FNIP1: variants seen among roughly 807,000 people sequenced by gnomAD.
FNIP1 encodes the protein folliculin interacting protein 1.
Under a neutral mutation model 124.5 loss-of-function variants are expected in FNIP1, and 40 were observed. The ratio of observed to expected loss-of-function variants is 0.32; its 90% CI spans 0.25 to 0.42. The LOEUF is 0.42. FNIP1 is among the 10% of genes least tolerant of loss of function. The pLI is 1.00. For synonymous variants in FNIP1, 472 were observed against 470.6 expected, an observed-to-expected ratio of 1.00 and a Z score of -0.04; for missense variants, 1,176 against 1,403.7, an observed-to-expected ratio of 0.84 and a Z score of 2.59.
chr5:131,693,903 A>AT (rs2149527046), intron 11 of FNIP1, among the ~76,000 whole-genome samples: 1 of 152,314 alleles, frequency 6.6e-6, no homozygotes, highest in Admixed American at 6.5e-5. Flanking sequence ...GCCAACTTAA[A>AT]AAGGACAAAA....
chr5:131,740,060 G>C (rs903158438), intron 2 of FNIP1, among the ~76,000 whole-genome samples: 5 of 152,072 alleles, frequency 3.3e-5, no homozygotes, highest in African/African-American at 1.2e-4. Context: ...AAGCACTTTG[G>C]ACAACTTTAT....
At chr5:131,686,053 A>G (rs1561654308) in intron 11 of FNIP1, among the ~76,000 whole-genome samples, 1 of 152,204 alleles carries the variant, frequency 6.6e-6, no homozygotes, top group South Asian at 2.1e-4. Flanking sequence ...GTCATAAACC[A>G]TTAGGGATAA....
At chr5:131,713,846 G>A (rs188199862) in intron 6 of FNIP1, among the ~76,000 whole-genome samples, 114 of 152,254 alleles carry the variant, frequency 7.5e-4, no homozygotes, top group South Asian at 6.2e-3. Context: ...ATTTACTGTA[G>A]GTAACATTAT....
intron 1 of FNIP1, among the ~76,000 whole-genome samples, chr5:131,745,203 A>T (rs941967349): frequency 2.6e-5 from 4 of 151,946 alleles, no homozygotes; most frequent in Non-Finnish European, 5.9e-5. Flanking sequence ...GAAAATTCTC[A>T]TATGCTGCTG....
chr5:131,701,889 C>T (rs1200168312), intron 10 of FNIP1, among the ~76,000 whole-genome samples: 1 of 152,186 alleles, frequency 6.6e-6, no homozygotes, highest in Non-Finnish European at 1.5e-5. Flanking sequence ...TCATCAGGTA[C>T]TCATTAACTT....
chr5:131,765,917 T>A (rs1173345349), intron 1 of FNIP1, among the ~76,000 whole-genome samples: 1 of 152,224 alleles, frequency 6.6e-6, no homozygotes, highest in Admixed American at 6.5e-5. Context: ...TAATCTTACA[T>A]CTTCTTTGCC....
At chr5:131,707,521 T>C (rs1769154406) in intron 8 of FNIP1, among the ~76,000 whole-genome samples, 4 of 152,196 alleles carry the variant, frequency 2.6e-5, no homozygotes, top group Admixed American at 2.0e-4. Context: ...AATTCAATGA[T>C]AGAGGATAAA....
intron 2 of FNIP1, among the ~76,000 whole-genome samples, chr5:131,741,521 G>A (rs183573243): frequency 7.1e-4 from 108 of 152,158 alleles, no homozygotes; most frequent in Middle Eastern, 3.4e-3. Flanking sequence ...TGTTTGCTTT[G>A]CATGGAAATA....
chr5:131,702,816 A>G (rs1489087915), intron 10 of FNIP1, among the ~76,000 whole-genome samples: 2 of 152,196 alleles, frequency 1.3e-5, no homozygotes, highest in Non-Finnish European at 2.9e-5. Flanking sequence ...GCTTTCCCCA[A>G]AAGAATACAC....
chr5:131,650,684 T>C (rs1676616882), intron 16 of FNIP1, among the ~76,000 whole-genome samples: 1 of 152,208 alleles, frequency 6.6e-6, no homozygotes, highest in South Asian at 2.1e-4. Flanking sequence ...TGGGTCTTAT[T>C]GTCTTTTTCC....
chr5:131,766,243 T>C (rs1771420402), intron 1 of FNIP1, among the ~76,000 whole-genome samples: 1 of 152,068 alleles, frequency 6.6e-6, no homozygotes, highest in African/African-American at 2.4e-5. Flanking sequence ...GGTCTTGCTA[T>C]GTGGCCCAGG....
chr5:131,751,696 G>T (rs985954758), intron 1 of FNIP1, among the ~76,000 whole-genome samples: 1 of 152,022 alleles, frequency 6.6e-6, no homozygotes, highest in African/African-American at 2.4e-5. Flanking sequence ...GCCATAAAAA[G>T]AATGCATACT....
chr5:131,734,123 G>T (rs901029138), intron 2 of FNIP1, among the ~76,000 whole-genome samples: 4 of 152,208 alleles, frequency 2.6e-5, no homozygotes, highest in African/African-American at 9.7e-5. Context: ...GCGTAGAGGT[G>T]TTTATAGTAT....
In FNIP1 at chr5:131,735,165, C is replaced by T. The variant is rs1189647448; in HGVS notation, c.220-4127G>A. On this transcript the variant is annotated intron_variant, in intron 2 of 17. Transcript: ENST00000510461. ...TGAGTTCATGTCCTTTGTAGGGACA[C>T]GGATGAAGCTGGAAACCATCATTCT... 4.1e-4 allele frequency among the ~76,000 whole-genome samples: 63 copies of T among 152,040 alleles called. 1 individual carries two copies. The East Asian group carries it at 5.8e-3, about 14-fold the overall frequency.
intron 5 of FNIP1, among the ~76,000 whole-genome samples, chr5:131,717,136 C>T (rs1298217195): frequency 6.6e-6 from 1 of 151,748 alleles, no homozygotes; most frequent in Non-Finnish European, 1.5e-5. Context: ...ATCCCTCCCC[C>T]CTCACCCCAC....
chr5:131,693,260 T>TA (rs1242271274), intron 11 of FNIP1, among the ~76,000 whole-genome samples: 37 of 78,610 alleles, frequency 4.7e-4, no homozygotes, highest in South Asian at 2.3e-3. Context: ...ACCTGTCAAC[T>TA]AAAAAAAAAA....
Position 131,772,032 on chromosome 5 carries a change from CCTT to C in FNIP1, c.92+24795_92+24797del, listed in dbSNP as rs1244879959. 2.0e-5 allele frequency among the ~76,000 whole-genome samples: 3 copies of C among 152,182 alleles called. No individual in the cohort carries two copies. In the East Asian group the frequency reaches 5.8e-4, roughly 29 times the overall value. ...GCCCAGGTAGGTGTGTTTCTTAAAACCTTCACACATACAAAGGAATACTACTTT... is the reference window on the plus strand; with the variant it reads ...GCCCAGGTAGGTGTGTTTCTTAAAACCACACATACAAAGGAATACTACTTT... On this transcript the variant is annotated intron_variant, in intron 1 of 17. Transcript: ENST00000510461.
intron 11 of FNIP1, among the ~76,000 whole-genome samples, chr5:131,688,193 G>A (rs1351734272): frequency 1.3e-5 from 2 of 151,548 alleles, no homozygotes; most frequent in Non-Finnish European, 2.9e-5. Flanking sequence ...TAGCTCCAGT[G>A]TAACAAATGC....
chr5:131,775,890 A>T (rs1033882297), intron 1 of FNIP1, among the ~76,000 whole-genome samples: 9 of 152,170 alleles, frequency 5.9e-5, no homozygotes, highest in African/African-American at 2.2e-4. Flanking sequence ...ATTCTGCCTG[A>T]CACATAAGCT....
Sources: allele counts gnomAD v4.1 joint callset (sites outside exome capture counted in the v4.1 genomes callset), GRCh38; gene constraint gnomAD v4.1.1; transcripts MANE v1.5; gene names NCBI Gene and HGNC (gene_info 2026-07-23, HGNC 2026-07-21).